Variants in RBFOX1 observed in about 807,000 individuals in gnomAD.
The protein encoded by RBFOX1 is RNA binding protein fox-1 homolog 1.
A neutral mutation model predicts 57.7 loss-of-function variants in RBFOX1; 8 were observed. The observed-to-expected ratio is 0.14, with a 90% confidence interval of 0.08 to 0.25. The LOEUF (loss-of-function observed/expected upper bound fraction) is 0.25. RBFOX1 is among the 10% of genes least tolerant of loss of function. RBFOX1 has a pLI of 1.00. For synonymous variants in RBFOX1, 326 were observed against 222.4 expected (o/e 1.47, Z -4.15); for missense variants, 611 against 548.5 (o/e 1.11, Z -1.14).
intron 2 of RBFOX1, among the ~76,000 whole-genome samples, chr16:5,546,073 C>G (rs540868722): frequency 6.6e-6 from 1 of 151,924 alleles, no homozygotes; most frequent in Non-Finnish European, 1.5e-5. Flanking sequence ...ATCTGTAATA[C>G]TATCAAATGA....
intron 3 of RBFOX1, among the ~76,000 whole-genome samples, chr16:6,889,425 C>T (rs1247365497): frequency 2.0e-5 from 3 of 152,102 alleles, no homozygotes; most frequent in African/African-American, 4.8e-5. Context: ...CTTGGATTTC[C>T]AGAAAAAGGA....
At chr16:6,284,002 T>A (rs991858374) in intron 1 of RBFOX1, among the ~76,000 whole-genome samples, 2 of 152,108 alleles carry the variant, frequency 1.3e-5, no homozygotes, top group African/African-American at 4.8e-5. Context: ...CTTAGTGAGC[T>A]GTGGATGGTG....
chr16:6,548,949 C>T (rs1436388036), intron 2 of RBFOX1, among the ~76,000 whole-genome samples: 1 of 150,736 alleles, frequency 6.6e-6, no homozygotes, highest in African/African-American at 2.4e-5. Flanking sequence ...GGTGGCGGCG[C>T]CTGTAATCCC....
At chr16:5,450,960 A>G (rs2068407203) in intron 1 of RBFOX1, among the ~76,000 whole-genome samples, 1 of 152,200 alleles carries the variant, frequency 6.6e-6, no homozygotes, top group Admixed American at 6.5e-5. Context: ...CATCTGGAAA[A>G]TGGGGCTGAT....
At chr16:7,561,311 A>T (rs905193779) in intron 5 of RBFOX1, among the ~76,000 whole-genome samples, 1 of 152,174 alleles carries the variant, frequency 6.6e-6, no homozygotes, top group Non-Finnish European at 1.5e-5. Flanking sequence ...ATGCCCAACT[A>T]TTCACTCTAT....
intron 3 of RBFOX1, among the ~76,000 whole-genome samples, chr16:5,860,308 C>T (rs1043883951): frequency 6.2e-4 from 95 of 152,230 alleles, no homozygotes; most frequent in African/African-American, 2.2e-3. Context: ...GTCAGGAGAC[C>T]TCGTGATCCA....
At chr16:7,672,753 G>C (rs967125637) in intron 13 of RBFOX1, among the ~76,000 whole-genome samples, 4 of 151,462 alleles carry the variant, frequency 2.6e-5, no homozygotes, top group African/African-American at 9.7e-5. Flanking sequence ...TGCAGTCCCA[G>C]CTACTCGGGA....
At chr16:6,532,454 G>C (rs2096671909) in intron 2 of RBFOX1, among the ~76,000 whole-genome samples, 1 of 152,124 alleles carries the variant, frequency 6.6e-6, no homozygotes, top group Non-Finnish European at 1.5e-5. Flanking sequence ...TGAATGTATG[G>C]AGGACCCTCC....
intron 3 of RBFOX1, among the ~76,000 whole-genome samples, chr16:6,957,170 C>T (rs1056049515): frequency 6.4e-5 from 8 of 124,164 alleles, no homozygotes; most frequent in African/African-American, 2.2e-4. Flanking sequence ...CTTGCTCTGT[C>T]ACCCAGGCTG....
chr16:6,792,028 A>G (rs1267978729), intron 3 of RBFOX1, among the ~76,000 whole-genome samples: 1 of 152,198 alleles, frequency 6.6e-6, no homozygotes, highest in Non-Finnish European at 1.5e-5. Flanking sequence ...TTGAAAAATG[A>G]AAGATTTTAC....
intron 3 of RBFOX1, among the ~76,000 whole-genome samples, chr16:7,010,809 C>G (rs1224032738): frequency 1.3e-5 from 2 of 152,092 alleles, no homozygotes; most frequent in African/African-American, 2.4e-5. Context: ...AAGTGATCTA[C>G]CCATCTCTGC....
At chr16:7,692,832 T>C (rs2077647082) in intron 14 of RBFOX1, among the ~76,000 whole-genome samples, 1 of 152,174 alleles carries the variant, frequency 6.6e-6, no homozygotes, top group South Asian at 2.1e-4. Context: ...GAGGAAATTA[T>C]TATCCATAAC....
chr16:6,077,567 T>C (rs1367691246), intron 1 of RBFOX1, among the ~76,000 whole-genome samples: 1 of 152,182 alleles, frequency 6.6e-6, no homozygotes, highest in Non-Finnish European at 1.5e-5. Context: ...GGAAAATTGC[T>C]CTTAAAACAA....
intron 3 of RBFOX1, chr16:5,616,181 C>G (rs2048017852): frequency 6.6e-6 from 1 of 152,458 alleles, no homozygotes; most frequent in Non-Finnish European, 1.5e-5. Flanking sequence ...CTGCCGTCCC[C>G]TGGGCTGGCT....
chr16:7,158,175 T>C (rs953435618), intron 4 of RBFOX1, among the ~76,000 whole-genome samples: 2 of 151,988 alleles, frequency 1.3e-5, no homozygotes, highest in African/African-American at 4.8e-5. Flanking sequence ...GGTGAAACCC[T>C]GTCTCTATAA....
chr16:6,987,685 G>T (rs1230229547), intron 3 of RBFOX1, among the ~76,000 whole-genome samples: 1 of 152,190 alleles, frequency 6.6e-6, no homozygotes, highest in African/African-American at 2.4e-5. Context: ...ATCTAGAAGT[G>T]TGAACTTGGA....
intron 1 of RBFOX1, among the ~76,000 whole-genome samples, chr16:6,209,307 G>T (rs989464663): frequency 5.3e-5 from 8 of 152,164 alleles, no homozygotes; most frequent in African/African-American, 1.9e-4. Context: ...AGCAGTTGGG[G>T]TTACATTATG....
At chr16:5,295,565 G>A (rs925259191) in intron 1 of RBFOX1, among the ~76,000 whole-genome samples, 1 of 152,154 alleles carries the variant, frequency 6.6e-6, no homozygotes, top group African/African-American at 2.4e-5. Context: ...TCAGTTCCTT[G>A]CAGGCTGCTG....
At chr16:7,115,305 A>C (rs987566895) in intron 4 of RBFOX1, among the ~76,000 whole-genome samples, 13 of 152,184 alleles carry the variant, frequency 8.5e-5, no homozygotes, top group Middle Eastern at 3.2e-3. Context: ...CTTGTGTGCC[A>C]GCAACGTTGC....
Sources: allele counts gnomAD v4.1 joint callset (sites outside exome capture counted in the v4.1 genomes callset), GRCh38; gene constraint gnomAD v4.1.1; transcripts MANE v1.5; gene names NCBI Gene and HGNC (gene_info 2026-07-23, HGNC 2026-07-21).